SLU7: variants seen among roughly 807,000 people sequenced by gnomAD.
The protein encoded by SLU7 is spliceosome associated SLU7.
Under a neutral mutation model 87.0 loss-of-function variants are expected in SLU7, and 60 were observed. That is an observed-to-expected ratio of 0.69 (90% CI 0.56 to 0.86). The LOEUF (loss-of-function observed/expected upper bound fraction) is 0.86, where lower values mean the gene tolerates loss of function less well. Ranked by LOEUF, SLU7 falls within the 40% of genes least tolerant of loss-of-function variation. SLU7 has a pLI of 0.00. For missense variants in SLU7, 507 were observed against 686.6 expected, an observed-to-expected ratio of 0.74 and a Z score of 2.92; for synonymous variants, 197 against 222.0, an observed-to-expected ratio of 0.89 and a Z score of 1.00.
chr5:160,403,188 G>T lies in SLU7; in HGVS notation c.*97C>A. On this transcript the variant is annotated 3_prime_UTR_variant, in exon 16 of 16. Transcript: ENST00000297151. ...AATATTTATTAAAGCCAGGCAGCAA[G>T]AAGAATAAACAAGGATTTTTCTATC... is the stretch of plus-strand genomic sequence containing the variant. 2 of 919,136 alleles carry T rather than the reference G, an allele frequency of 2.2e-6. No homozygotes were observed. The highest frequency in any genetic ancestry group is 3.2e-6 in the Non-Finnish European group (2 of 630,850). 56.9% of individuals were successfully genotyped at this position (919,136 alleles called of 1,614,324 possible).
chr5:160,418,971 C>T (rs2113187074), intron 1 of SLU7, 52 bp downstream of exon 1: 1 of 152,420 alleles, frequency 6.6e-6, no homozygotes, highest in African/African-American at 2.4e-5. Flanking sequence ...GACTCATTTT[C>T]TCAGGTTCCC....
chr5:160,403,186 A>C lies in SLU7; in HGVS notation c.*99T>G, dbSNP rs1314637632. The stretch of plus-strand genomic sequence containing the variant: ...GAAATATTTATTAAAGCCAGGCAGC[A>C]AGAAGAATAAACAAGGATTTTTCTA... On this transcript the variant is annotated 3_prime_UTR_variant, in exon 16 of 16. Coordinates refer to ENST00000297151, the MANE Select transcript of SLU7 (RefSeq NM_006425.5). The C allele has an allele frequency of 4.5e-6, 4 of 897,974 alleles. No individual in the cohort carries two copies. The highest frequency in any genetic ancestry group is 6.5e-6 in the Non-Finnish European group (4 of 612,538). The allele number at this position is 897,974 out of a possible 1,614,324, so 55.6% of individuals were successfully genotyped here.
chr5:160,408,260 G>C, intron 8 of SLU7, 69 bp downstream of exon 8: 5 of 1,500,968 alleles, frequency 3.3e-6, no homozygotes, highest in Non-Finnish European at 4.6e-6. Flanking sequence ...ATGCTACCCA[G>C]AGTCGATAAA....
chr5:160,413,250 TAAG>T (rs1464645411), intron 5 of SLU7, among the ~76,000 whole-genome samples: 1 of 152,106 alleles, frequency 6.6e-6, no homozygotes, highest in Non-Finnish European at 1.5e-5. Context: ...AAGAATCAAA[TAAG>T]AAGAAACTGC....
intron 15 of SLU7, 111 bp downstream of exon 15, chr5:160,404,329 C>T (rs2113095815): frequency 2.9e-6 from 2 of 681,002 alleles, no homozygotes; most frequent in Admixed American, 2.6e-5. Flanking sequence ...CGTGCCACTG[C>T]ACTCCAGCCT....
rs1765052055 is a variant in SLU7, at chr5:160,407,283, A to G, written c.1125+193T>C. On this transcript the variant is annotated intron_variant, in intron 11 of 15. Coordinates refer to ENST00000297151, the MANE Select transcript of SLU7 (RefSeq NM_006425.5). This position sits in a 1 kb window ranked among gnomAD's most constrained non-coding sequence, Gnocchi z 4.2. ...TAAATGTTTATTTTAAGCTATTAAG[A>G]TTTGAGGTAGCTTGTTTTGCTGCAA... 6.6e-6 allele frequency among the ~76,000 whole-genome samples: 1 copy of G among 151,038 alleles called. No homozygotes were observed. The highest frequency in any genetic ancestry group is 6.6e-5 in the Admixed American group (1 of 15,068).
In SLU7 at chr5:160,413,616, G is replaced by T. The variant is rs1032545636; in HGVS notation, c.410C>A (p.Pro137His). The T allele has an allele frequency of 1.2e-6, 2 of 1,608,512 alleles. No individual in the cohort carries two copies. Among genetic ancestry groups the T allele is most frequent in the Admixed American group, 3.4e-5 (2 of 58,588 alleles). ...TGTAAATTTGGCTCCAACTCGCCTA[G>T]GTCTCTAAAAACAGAGTAAGATTTA... is the stretch of plus-strand genomic sequence containing the variant. ...THKKKDCFERPRRVGAKFTGT... is the reference protein window; with the variant it reads ...THKKKDCFERHRRVGAKFTGT... Residue 137 changes from proline (P) to histidine (H), a missense_variant, in exon 5 of 16, where the codon CCT (proline) becomes CAT (histidine). Pro to His is a moderately conservative substitution (Grantham distance 77). Coordinates refer to ENST00000297151, the MANE Select transcript of SLU7 (RefSeq NM_006425.5).
In SLU7 at chr5:160,408,027, T is replaced by C; in HGVS notation, c.861A>G (p.Pro287=). The change falls in exon 9 of 16, where the codon CCA becomes CCG. Residue 287 remains proline, a synonymous_variant. Transcript: ENST00000297151. Reference sequence around the variant, plus strand: ...GATTCTCTCTCATTGCTCTAGTTTTTGGATCATAGTAGGCAGAATTTGGAT... The same window carrying C: ...GATTCTCTCTCATTGCTCTAGTTTTCGGATCATAGTAGGCAGAATTTGGAT... ...NLDPNSAYYD[P]KTRAMRENPY... is the part of the protein sequence containing the mutation. 6.2e-7 allele frequency: 1 copy of C among 1,613,192 alleles called. No individual in the cohort carries two copies. Among genetic ancestry groups the C allele is most frequent in the Non-Finnish European group, 8.5e-7 (1 of 1,179,240 alleles).
intron 15 of SLU7, among the ~76,000 whole-genome samples, chr5:160,403,791 A>T (rs1451381854): frequency 6.6e-6 from 1 of 152,236 alleles, no homozygotes; most frequent in African/African-American, 2.4e-5. Context: ...TACAATTCTG[A>T]CTTTTCTCAA....
At chr5:160,409,412 T>TA (rs563392716) in intron 6 of SLU7, among the ~76,000 whole-genome samples, 190 of 151,128 alleles carry the variant, frequency 1.3e-3, no homozygotes, top group Non-Finnish European at 2.1e-3. Flanking sequence ...TAAAAATACT[T>TA]AAAAAAAAAG....
At position 160,413,438 on chromosome 5, in the gene SLU7, G is replaced by C; in HGVS notation, c.570+18C>G. The C allele has an allele frequency of 6.2e-7, 1 of 1,609,778 alleles. No individual in the cohort carries two copies. Reference sequence around the variant, plus strand: ...ACGATTCTTTAAAAACCCCAGGAAAGCAGGGAATTTTGCTCACCAAATCAA... The same window carrying C: ...ACGATTCTTTAAAAACCCCAGGAAACCAGGGAATTTTGCTCACCAAATCAA... On this transcript the variant is annotated intron_variant, in intron 5 of 15. Coordinates refer to ENST00000297151, the MANE Select transcript of SLU7 (RefSeq NM_006425.5).
chr5:160,408,066 A>G lies in SLU7; in HGVS notation c.822T>C (p.Tyr274=). 2 of 1,584,414 alleles carry G rather than the reference A, an allele frequency of 1.3e-6. No individual in the cohort carries two copies. The highest frequency in any genetic ancestry group is 1.7e-6 in the Non-Finnish European group (2 of 1,153,914). ...NLRIREDIAK[Y]LRNLDPNSAY... ...CAGAATTTGGATCTAAATTCCTCAA[A>G]TACTAGAAGAAAAAAATATTTAAAG... The change falls in exon 9 of 16, where the codon TAT becomes TAC. Residue 274 remains tyrosine, a splice_region_variant and synonymous_variant. Transcript: ENST00000297151.
chr5:160,406,294 T>G (rs1305848990), intron 12 of SLU7, 174 bp downstream of exon 12: 2 of 510,796 alleles, frequency 3.9e-6, no homozygotes, highest in Admixed American at 7.7e-5. Flanking sequence ...TAGATGAACA[T>G]AGTATTCCTT....
chr5:160,411,106 T>G (rs996165154), intron 6 of SLU7, among the ~76,000 whole-genome samples: 1 of 152,156 alleles, frequency 6.6e-6, no homozygotes, highest in Non-Finnish European at 1.5e-5. Context: ...GACCTTGGGA[T>G]CCACCCGCCT....
chr5:160,408,264 C>T (rs555807051), intron 8 of SLU7, 65 bp downstream of exon 8: 348 of 1,513,804 alleles, frequency 2.3e-4, no homozygotes, highest in African/African-American at 9.2e-4. Context: ...TACCCAGAGT[C>T]GATAAAATTT....
chr5:160,407,618 A>G lies in SLU7; in HGVS notation c.986-3T>C, dbSNP rs371027474. ...GTCATAGGCTTCCCATGCAAACACTAGAGTAATTCAAAACATCTTAGTGAG... is the reference window on the plus strand; with the variant it reads ...GTCATAGGCTTCCCATGCAAACACTGGAGTAATTCAAAACATCTTAGTGAG... On this transcript the variant is annotated splice_region_variant and splice_polypyrimidine_tract_variant and intron_variant, in intron 10 of 15. Coordinates refer to ENST00000297151, the MANE Select transcript of SLU7 (RefSeq NM_006425.5). The surrounding 1 kb of genome is among the most constrained non-coding windows in gnomAD (Gnocchi z 4.2). 2.6e-4 allele frequency: 411 copies of G among 1,608,486 alleles called. 1 individual carries two copies. The highest frequency in any genetic ancestry group is 3.4e-4 in the South Asian group (30 of 89,544).
chr5:160,413,768 C>A, intron 4 of SLU7, 131 bp downstream of exon 4: 1 of 937,134 alleles, frequency 1.1e-6, no homozygotes, highest in East Asian at 2.6e-5. Flanking sequence ...TGAACCAATT[C>A]CACTGAAACT....
intron 12 of SLU7, chr5:160,406,206 G>C: frequency 3.7e-6 from 1 of 272,666 alleles, no homozygotes; most frequent in Non-Finnish European, 6.8e-6. Context: ...ATGTAAAACT[G>C]TGCATATGCA....
chr5:160,417,034 C>G (rs1027493096), intron 1 of SLU7: 4 of 152,152 alleles, frequency 2.6e-5, no homozygotes, highest in Non-Finnish European at 5.9e-5. Context: ...CTATTGTTGC[C>G]GCCATGTGAG....
Sources: gnomAD v4.1 joint callset for allele counts (sites outside exome capture counted in the v4.1 genomes callset) on GRCh38, gnomAD v4.1.1 for gene constraint, Gnocchi (gnomAD v3.1) non-coding constraint, MANE v1.5 for transcripts, NCBI Gene and HGNC (gene_info 2026-07-23, HGNC 2026-07-21) for gene names.